GBP2: variants seen among roughly 807,000 people sequenced by gnomAD.
The protein encoded by GBP2 is guanylate binding protein 2, also known as guanylate-binding protein 2.
GBP2 carries 54 observed loss-of-function variants against 60.8 expected under a neutral mutation model. The ratio of observed to expected loss-of-function variants is 0.89; its 90% CI spans 0.71 to 1.11. GBP2 has a LOEUF of 1.11. GBP2 is among the 50% of genes most tolerant of loss of function. The pLI is 0.00. For missense variants in GBP2, 665 were observed against 703.3 expected, an observed-to-expected ratio of 0.95 and a Z score of 0.62; for synonymous variants, 243 against 256.5, an observed-to-expected ratio of 0.95 and a Z score of 0.50.
chr1:89,106,701 T>C lies in GBP2; in HGVS notation c.*1474A>G, dbSNP rs1469835597. ...CGTTATTAGTTTCTTCCTCCAAAAG[T>C]AGAAGACAAAAATACTCTAATTCTC... On this transcript the variant is annotated 3_prime_UTR_variant, in exon 11 of 11. Transcript: ENST00000370466. 1 of 152,200 alleles carries C rather than the reference T, an allele frequency of 6.6e-6. No individual in the cohort carries two copies. The highest frequency in any genetic ancestry group is 2.4e-5 in the African/African-American group (1 of 41,440). The allele number at this position is 152,200 out of a possible 1,614,324, so 9.4% of individuals were successfully genotyped here. A position where few individuals can be genotyped will look rare whatever the true frequency, so the allele number is the denominator to read the frequency against.
chr1:89,110,962 C>T (rs1311947913), intron 8 of GBP2, among the ~76,000 whole-genome samples: 1 of 152,096 alleles, frequency 6.6e-6, no homozygotes, highest in Non-Finnish European at 1.5e-5. Flanking sequence ...CTCATCATGA[C>T]CAAGTGGGAT....
Position 89,109,802 on chromosome 1 carries a change from C to T in GBP2, c.1534G>A (p.Glu512Lys), listed in dbSNP as rs1036691263. 1.2e-6 allele frequency: 2 copies of T among 1,614,030 alleles called. No homozygotes were observed. Among genetic ancestry groups the T allele is most frequent in the Non-Finnish European group, 1.7e-6 (2 of 1,179,940 alleles). Reference sequence around the variant, plus strand: ...TTCTCTTTCTGTTCCATCATCTCCTCATTCTTCTTTTGTATTTCCTCCAAC... The same window carrying T: ...TTCTCTTTCTGTTCCATCATCTCCTTATTCTTCTTTTGTATTTCCTCCAAC... ...KMLEEIQKKN[E>K]EMMEQKEKSY... The change falls in exon 10 of 11, where the codon GAG (glutamate) becomes AAG (lysine). Residue 512 changes from glutamate (E) to lysine (K), a missense_variant. Transcript: ENST00000370466.
Position 89,107,404 on chromosome 1 carries a change from G to A in GBP2, c.*771C>T, listed in dbSNP as rs905071661. Among the ~76,000 whole-genome samples the A allele has an allele frequency of 2.0e-5, 3 of 152,160 alleles. No homozygotes were observed. The highest frequency in any genetic ancestry group is 4.4e-5 in the Non-Finnish European group (3 of 68,018). On this transcript the variant is annotated 3_prime_UTR_variant, in exon 11 of 11. Transcript: ENST00000370466. ...GTAGAAGTTATTTTCTAAACTTCAG[G>A]AAAGAGAAAAGACTAAGGGAGACTA...
intron 6 of GBP2, among the ~76,000 whole-genome samples, chr1:89,115,506 C>T (rs1681250958): frequency 6.6e-6 from 1 of 152,222 alleles, no homozygotes; most frequent in South Asian, 2.1e-4. Flanking sequence ...AAGTCCTCTG[C>T]CAGTCCTTTC....
chr1:89,120,035 A>C (rs1681368068), intron 4 of GBP2, 144 bp downstream of exon 4: 1 of 620,750 alleles, frequency 1.6e-6, no homozygotes, highest in Non-Finnish European at 2.9e-6. Flanking sequence ...ATTGAGATAG[A>C]ATGAGATGTT....
At chr1:89,121,741 AC>A (rs1365100866) in intron 2 of GBP2, 35 bp downstream of exon 2, 1 of 1,602,600 alleles carries the variant, frequency 6.2e-7, no homozygotes, top group Non-Finnish European at 8.5e-7. Context: ...GTGTGTACGG[AC>A]AGAAGGGGCT....
Position 89,121,970 on chromosome 1 carries a change from C to A in GBP2, c.-4G>T, listed in dbSNP as rs1570324341. The stretch of plus-strand genomic sequence containing the variant: ...GCAAGTTGATCTCTGGAGCCATGTC[C>A]AGGGTGTTGTTCCCTTGTGTGCAAG... On this transcript the variant is annotated 5_prime_UTR_variant, in exon 2 of 11. Coordinates refer to ENST00000370466, the MANE Select transcript of GBP2 (RefSeq NM_004120.5). 3.7e-6 allele frequency: 6 copies of A among 1,609,528 alleles called. No individual in the cohort carries two copies. Among genetic ancestry groups the A allele is most frequent in the Non-Finnish European group, 4.2e-6 (5 of 1,177,302 alleles).
At chr1:89,113,935 A>G (rs1473375003) in intron 7 of GBP2, 81 bp downstream of exon 7, 1 of 1,479,674 alleles carries the variant, frequency 6.8e-7, no homozygotes, top group African/African-American at 1.4e-5. Flanking sequence ...GAGTGTAACT[A>G]TTTTGGGGTC....
chr1:89,109,650 G>T (rs1215073714), intron 10 of GBP2, 27 bp downstream of exon 10: 1 of 1,604,806 alleles, frequency 6.2e-7, no homozygotes, highest in Non-Finnish European at 8.5e-7. Context: ...CACTGGAAGA[G>T]AAAATTGAGA....
Position 89,110,199 on chromosome 1 carries a change from T to C in GBP2, c.1430A>G (p.Asp477Gly). The C allele has an allele frequency of 6.2e-7, 1 of 1,613,820 alleles. No individual in the cohort carries two copies. The highest frequency in any genetic ancestry group is 8.5e-7 in the Non-Finnish European group (1 of 1,179,842). ...EDVADALLQT[D>G]QSLSEKEKAI... ...TTTTTCCTTTTCTGAGAGTGACTGATCAGTCTGTAGAAGTGCATCAGCCAC... is the reference window on the plus strand; with the variant it reads ...TTTTTCCTTTTCTGAGAGTGACTGACCAGTCTGTAGAAGTGCATCAGCCAC... The change falls in exon 9 of 11, where the codon GAT (aspartate) becomes GGT (glycine). Residue 477 changes from aspartate to glycine, a missense_variant. Asp to Gly is a moderately conservative substitution (Grantham distance 94, BLOSUM62 -1). Coordinates refer to ENST00000370466, the MANE Select transcript of GBP2 (RefSeq NM_004120.5).
intron 10 of GBP2, among the ~76,000 whole-genome samples, chr1:89,108,625 T>C (rs1557436903): frequency 6.6e-6 from 1 of 152,212 alleles, no homozygotes. Flanking sequence ...GACTCTTAAA[T>C]ATATATCTAG....
At chr1:89,123,955 T>G (rs1032528456) in intron 1 of GBP2, among the ~76,000 whole-genome samples, 1 of 152,226 alleles carries the variant, frequency 6.6e-6, no homozygotes, top group African/African-American at 2.4e-5. Context: ...GGACTTTTTT[T>G]CATTAATGAG....
chr1:89,120,325 T>A, intron 3 of GBP2, 37 bp from the exon 4 acceptor site: 1 of 1,465,912 alleles, frequency 6.8e-7, no homozygotes, highest in Non-Finnish European at 9.6e-7. Context: ...GAAGAATGAC[T>A]AGCAGAATGT....
intron 5 of GBP2, 98 bp from the exon 6 acceptor site, chr1:89,117,332 A>G: frequency 9.0e-7 from 1 of 1,107,964 alleles, no homozygotes; most frequent in Non-Finnish European, 1.3e-6. Context: ...TGTAAGGAGG[A>G]AATTTATTAG....
In GBP2 at chr1:89,107,204, A is replaced by ATT. The variant is rs554969898; in HGVS notation, c.*969_*970dup. On this transcript the variant is annotated 3_prime_UTR_variant, in exon 11 of 11. Transcript: ENST00000370466. ...ATTATTCTTGATTTTTCAATCTGTCATTTTTTTTTTTTTAGTAAGTCATTT... is the reference window on the plus strand; with the variant it reads ...ATTATTCTTGATTTTTCAATCTGTCATTTTTTTTTTTTTTTAGTAAGTCATTT... Among the ~76,000 whole-genome samples, 3 of 145,232 alleles carry ATT rather than the reference A, an allele frequency of 2.1e-5. No individual in the cohort carries two copies. Among genetic ancestry groups the ATT allele is most frequent in the African/African-American group, 5.0e-5 (2 of 39,798 alleles).
intron 10 of GBP2, among the ~76,000 whole-genome samples, chr1:89,108,572 G>A (rs915278010): frequency 6.6e-6 from 1 of 152,032 alleles, no homozygotes; most frequent in African/African-American, 2.4e-5. Context: ...ACTTTCTCTT[G>A]TTCTTTTTGT....
At chr1:89,110,647 A>C (rs1681143219) in intron 8 of GBP2, among the ~76,000 whole-genome samples, 1 of 152,190 alleles carries the variant, frequency 6.6e-6, no homozygotes, top group African/African-American at 2.4e-5. Flanking sequence ...TCTCACACAT[A>C]AATTGGAGAT....
chr1:89,117,726 C>T lies in GBP2; in HGVS notation c.476G>A (p.Gly159Asp), dbSNP rs777420110. Residue 159 changes from glycine (G) to aspartate (D), a missense_variant, in exon 5 of 11, where the codon GGT becomes GAT. Coordinates refer to ENST00000370466, the MANE Select transcript of GBP2 (RefSeq NM_004120.5). ...AGCTGAGTCGTCTACAGAATTGTTA[C>T]CAGGTGAGGAGTTTGCCTTGATTCG... ...TDRIKANSSP[G>D]NNSVDDSADF... The T allele has an allele frequency of 1.9e-6, 3 of 1,613,972 alleles. No homozygotes were observed. Among genetic ancestry groups the T allele is most frequent in the Non-Finnish European group, 2.5e-6 (3 of 1,179,938 alleles).
chr1:89,107,929 A>G lies in GBP2; in HGVS notation c.*246T>C. 3.0e-6 allele frequency: 1 copy of G among 336,914 alleles called. No homozygotes were observed. Among genetic ancestry groups the G allele is most frequent in the Non-Finnish European group, 5.5e-6 (1 of 182,146 alleles). 20.9% of individuals were successfully genotyped at this position (336,914 alleles called of 1,614,324 possible). A position where few individuals can be genotyped will look rare whatever the true frequency, so the allele number is the denominator to read the frequency against. On this transcript the variant is annotated 3_prime_UTR_variant, in exon 11 of 11. Coordinates refer to ENST00000370466, the MANE Select transcript of GBP2 (RefSeq NM_004120.5). ...TGAGTCCTTGTGTATGATTTCAAAT[A>G]TAGGATTTAGTTAAAGATCATATTA...
Sources: gnomAD v4.1 joint callset for allele counts (sites outside exome capture counted in the v4.1 genomes callset) on GRCh38, gnomAD v4.1.1 for gene constraint, MANE v1.5 for transcripts, NCBI Gene and HGNC (gene_info 2026-07-23, HGNC 2026-07-21) for gene names.